The following KCNN2 variants were observed in gnomAD, a reference collection of about 807,000 sequenced individuals.
KCNN2 encodes the protein small conductance calcium-activated potassium channel protein 2.
KCNN2 carries 24 observed loss-of-function variants against 55.5 expected under a neutral mutation model. The observed-to-expected ratio is 0.43, with a 90% CI of 0.31 to 0.61. KCNN2 has a LOEUF of 0.61. KCNN2 is among the 20% of genes least tolerant of loss of function. The pLI is 0.08. For synonymous variants in KCNN2, 431 were observed against 336.1 expected (o/e 1.28, Z -3.09); for missense variants, 754 against 853.6 (o/e 0.88, Z 1.45).
chr5:114,253,028 T>C (rs1024760238), intron 2 of KCNN2, among the ~76,000 whole-genome samples: 2 of 152,138 alleles, frequency 1.3e-5, no homozygotes, highest in African/African-American at 2.4e-5. Context: ...CTGCTTCTCC[T>C]TGGGGGGTAG....
chr5:114,455,178 C>A (rs1760864827), intron 3 of KCNN2, among the ~76,000 whole-genome samples: 1 of 152,156 alleles, frequency 6.6e-6, no homozygotes, highest in Non-Finnish European at 1.5e-5. Flanking sequence ...GCATTTTTTA[C>A]AAACTGAAGG....
intron 2 of KCNN2, among the ~76,000 whole-genome samples, chr5:114,335,820 G>C (rs549846148): frequency 6.6e-6 from 1 of 152,264 alleles, no homozygotes; most frequent in South Asian, 2.1e-4. Context: ...AGAATCACAC[G>C]GAGCCCTAAG....
chr5:114,234,904 G>C (rs1237204112), intron 2 of KCNN2, among the ~76,000 whole-genome samples: 1 of 152,174 alleles, frequency 6.6e-6, no homozygotes, highest in Admixed American at 6.5e-5. Flanking sequence ...TGTGTTATGA[G>C]TTAGAGCTCA....
chr5:114,240,376 A>C (rs1331274412), intron 2 of KCNN2, among the ~76,000 whole-genome samples: 2 of 151,344 alleles, frequency 1.3e-5, no homozygotes, highest in East Asian at 3.9e-4. Flanking sequence ...ATAAAAATCT[A>C]CTGTTAATAT....
intron 1 of KCNN2, among the ~76,000 whole-genome samples, chr5:114,059,722 A>G (rs1750287634): frequency 6.6e-6 from 1 of 152,136 alleles, no homozygotes; most frequent in African/African-American, 2.4e-5. Context: ...CCCCAGAGCT[A>G]CTCTGAGAAG....
Position 114,068,972 on chromosome 5 carries a change from G to A in KCNN2, c.-271+12472G>A, listed in dbSNP as rs542809717. Among the ~76,000 whole-genome samples the A allele has an allele frequency of 8.5e-5, 13 of 152,090 alleles. No individual in the cohort carries two copies. In the South Asian group the frequency reaches 1.2e-3, roughly 15 times the overall value. ...GGGATTACAAGTGCCTGCCAACCAC[G>A]CCTGGCTAATTTTTGTATTTTTAGT... On this transcript the variant is annotated intron_variant, in intron 1 of 10. Coordinates refer to the KCNN2 transcript ENST00000512097.
intron 3 of KCNN2, among the ~76,000 whole-genome samples, chr5:114,428,710 TA>T (rs1759700169): frequency 6.6e-6 from 1 of 152,148 alleles, no homozygotes; most frequent in Non-Finnish European, 1.5e-5. Context: ...TCAGTCTACC[TA>T]TTAATCCCTT....
At chr5:114,207,172 T>G (rs762047931) in intron 1 of KCNN2, among the ~76,000 whole-genome samples, 9 of 152,150 alleles carry the variant, frequency 5.9e-5, no homozygotes, top group Non-Finnish European at 2.9e-5. Context: ...TGGGGTGTAT[T>G]AGAACACTGG....
intron 1 of KCNN2, among the ~76,000 whole-genome samples, chr5:114,116,054 G>A (rs561559212): frequency 6.6e-6 from 1 of 152,256 alleles, no homozygotes; most frequent in East Asian, 1.9e-4. Context: ...TGAAAGGAAG[G>A]AAGCAGAGTT....
At chr5:114,450,598 A>G (rs375127670) in intron 3 of KCNN2, among the ~76,000 whole-genome samples, 1 of 152,100 alleles carries the variant, frequency 6.6e-6, no homozygotes, top group East Asian at 1.9e-4. Flanking sequence ...AAATTCCAAG[A>G]TTTTCCAGTT....
chr5:114,271,116 C>T (rs1204437353), intron 2 of KCNN2, among the ~76,000 whole-genome samples: 1 of 152,146 alleles, frequency 6.6e-6, no homozygotes, highest in Non-Finnish European at 1.5e-5. Flanking sequence ...TTATTTGGCC[C>T]TGCCCATATC....
Position 114,234,633 on chromosome 5 carries a change from CG to C in KCNN2, c.-185+13070del, listed in dbSNP as rs577370912. Among the ~76,000 whole-genome samples the C allele has an allele frequency of 2.1e-3, 316 of 152,204 alleles. 1 individual carries two copies. The highest frequency in any genetic ancestry group is 7.1e-3 in the African/African-American group (293 of 41,528). ...AAAATACACTGTGCTGCTTCCTTCA[CG>C]GTTGTTGAGAATCTGCATACTCAGG... On this transcript the variant is annotated intron_variant, in intron 2 of 10. Transcript: ENST00000512097.
At chr5:114,066,783 G>A (rs931558642) in intron 1 of KCNN2, among the ~76,000 whole-genome samples, 1 of 152,146 alleles carries the variant, frequency 6.6e-6, no homozygotes, top group Non-Finnish European at 1.5e-5. Context: ...GTTTCATCAT[G>A]TTGGCCAGGA....
chr5:114,080,438 G>T (rs1408726493), intron 1 of KCNN2, among the ~76,000 whole-genome samples: 1 of 152,138 alleles, frequency 6.6e-6, no homozygotes, highest in East Asian at 1.9e-4. Flanking sequence ...TGTCTGCGTG[G>T]AAAGGTTTTT....
chr5:114,397,291 A>G lies in KCNN2; in HGVS notation c.1219-7147A>G, dbSNP rs373356205. ...AATTCTGTTTTAAGTTCTTTGAGAA[A>G]TCATCAAATTGCTTTCCACAATGGC... On this transcript the variant is annotated intron_variant, in intron 2 of 7. Coordinates refer to ENST00000673685, the MANE Select transcript of KCNN2 (RefSeq NM_021614.4). Among the ~76,000 whole-genome samples the G allele has an allele frequency of 5.1e-4, 78 of 152,350 alleles. 1 individual carries two copies. The Middle Eastern group carries it at 0.01, about 20-fold the overall frequency.
At chr5:114,096,077 A>G (rs2721307) in intron 1 of KCNN2, among the ~76,000 whole-genome samples, 26,617 of 152,082 alleles carry the variant, frequency 0.18, 2,477 homozygotes, top group African/African-American at 0.23. Flanking sequence ...ATCACTGTCC[A>G]GGAGCAGTGT....
chr5:114,480,140 G>C (rs924399793), intron 5 of KCNN2, among the ~76,000 whole-genome samples: 1 of 151,576 alleles, frequency 6.6e-6, no homozygotes, highest in African/African-American at 2.4e-5. Context: ...AAGAAGAAAA[G>C]AGCAAAGAGT....
intron 1 of KCNN2, among the ~76,000 whole-genome samples, chr5:114,089,801 C>A (rs970279293): frequency 1.3e-5 from 2 of 152,118 alleles, no homozygotes; most frequent in African/African-American, 2.4e-5. Context: ...GTGGGTTAAA[C>A]CATTCCTGAT....
chr5:114,192,282 G>T (rs1302651990), intron 1 of KCNN2, among the ~76,000 whole-genome samples: 1 of 152,126 alleles, frequency 6.6e-6, no homozygotes, highest in African/African-American at 2.4e-5. Flanking sequence ...TTATGCTTCA[G>T]TGACACATGA....
Sources: gnomAD v4.1 joint callset for allele counts (sites outside exome capture counted in the v4.1 genomes callset) on GRCh38, gnomAD v4.1.1 for gene constraint, MANE v1.5 for transcripts, NCBI Gene and HGNC (gene_info 2026-07-23, HGNC 2026-07-21) for gene names.